Variants in CREB5 observed in about 807,000 individuals in gnomAD.
CREB5 encodes cAMP responsive element binding protein 5, also known as cyclic AMP-responsive element-binding protein 5.
CREB5 carries 19 observed loss-of-function variants against 57.1 expected under a neutral mutation model. That is an observed-to-expected ratio of 0.33 (90% CI 0.23 to 0.49). CREB5 has a LOEUF of 0.49. Ranked by LOEUF, CREB5 falls within the 20% of genes least tolerant of loss-of-function variation. CREB5 has a pLI of 0.99. For missense variants in CREB5, 579 were observed against 671.6 expected (o/e 0.86, Z 1.52); for synonymous variants, 238 against 238.3 (o/e 1.00, Z 0.01).
At chr7:28,616,430 C>T (rs555959681) in intron 5 of CREB5, among the ~76,000 whole-genome samples, 4 of 152,198 alleles carry the variant, frequency 2.6e-5, no homozygotes, top group African/African-American at 4.8e-5. Context: ...CTTCTTCAAG[C>T]GTGTGACCCA....
At chr7:28,610,435 G>A (rs183404414) in intron 5 of CREB5, among the ~76,000 whole-genome samples, 2 of 152,238 alleles carry the variant, frequency 1.3e-5, no homozygotes, top group East Asian at 3.9e-4. Context: ...ATTTTTGTCA[G>A]CCTGGCCTGA....
chr7:28,433,224 T>C (rs1349275330), intron 1 of CREB5, among the ~76,000 whole-genome samples: 1 of 152,214 alleles, frequency 6.6e-6, no homozygotes, highest in African/African-American at 2.4e-5. Context: ...TAAACTGCTT[T>C]CACAACAGCT....
chr7:28,650,653 G>C (rs536640369), intron 5 of CREB5, among the ~76,000 whole-genome samples: 61 of 152,074 alleles, frequency 4.0e-4, no homozygotes, highest in Non-Finnish European at 6.2e-4. Context: ...TCATCATAAG[G>C]TTATTTTGTT....
At chr7:28,806,053 C>T (rs948449781) in intron 8 of CREB5, among the ~76,000 whole-genome samples, 2 of 151,602 alleles carry the variant, frequency 1.3e-5, no homozygotes, top group Non-Finnish European at 2.9e-5. Flanking sequence ...AATTGATTCA[C>T]ATTTGTACTT....
At chr7:28,798,667 C>G (rs1007662080) in intron 7 of CREB5, among the ~76,000 whole-genome samples, 15 of 152,300 alleles carry the variant, frequency 9.8e-5, no homozygotes, top group Admixed American at 9.2e-4. Flanking sequence ...GAAAATGACT[C>G]CTTTTGACTG....
chr7:28,477,615 A>G (rs73684379), intron 1 of CREB5, among the ~76,000 whole-genome samples: 1,581 of 152,196 alleles, frequency 0.01, 30 homozygotes, highest in African/African-American at 0.035. Flanking sequence ...AATGGCTTGG[A>G]CCTTTTGATG....
chr7:28,560,919 T>TGTGCGCGCGCGC (rs1795180096), intron 4 of CREB5, among the ~76,000 whole-genome samples: 1 of 42,990 alleles, frequency 2.3e-5, no homozygotes, highest in Non-Finnish European at 4.5e-5. Flanking sequence ...CGTGTGCGTG[T>TGTGCGCGCGCGC]GTGCGCGTGC....
At chr7:28,691,013 G>C (rs1383216049) in intron 5 of CREB5, among the ~76,000 whole-genome samples, 1 of 152,218 alleles carries the variant, frequency 6.6e-6, no homozygotes. Context: ...GGACATCACA[G>C]TTTGGAAGAA....
intron 5 of CREB5, among the ~76,000 whole-genome samples, chr7:28,627,603 C>T (rs1798050048): frequency 6.6e-6 from 1 of 152,152 alleles, no homozygotes; most frequent in South Asian, 2.1e-4. Context: ...CCAGTTGTAG[C>T]TCCCATGACC....
chr7:28,679,104 C>A (rs747350202), intron 5 of CREB5, among the ~76,000 whole-genome samples: 2 of 136,496 alleles, frequency 1.5e-5, no homozygotes, highest in African/African-American at 5.4e-5. Flanking sequence ...AAACAGCCAG[C>A]GGAGTATATT....
chr7:28,411,157 A>G (rs996668413), upstream of CREB5, among the ~76,000 whole-genome samples: 2 of 152,212 alleles, frequency 1.3e-5, no homozygotes, highest in African/African-American at 4.8e-5. Context: ...TAGAAAAGGC[A>G]AATCAGGAAA....
chr7:28,760,499 G>T (rs1029757241), intron 7 of CREB5, among the ~76,000 whole-genome samples: 1 of 152,146 alleles, frequency 6.6e-6, no homozygotes, highest in Non-Finnish European at 1.5e-5. Flanking sequence ...GCATGTTTGT[G>T]TTCATCTGAT....
intron 1 of CREB5, among the ~76,000 whole-genome samples, chr7:28,378,216 G>T (rs1297951059): frequency 6.6e-6 from 1 of 151,816 alleles, no homozygotes; most frequent in Non-Finnish European, 1.5e-5. Flanking sequence ...AGCTCTCTTA[G>T]GTTTTCAAAG....
intron 5 of CREB5, chr7:28,608,921 T>A (rs1365219407): frequency 5.3e-5 from 8 of 152,232 alleles, no homozygotes; most frequent in Non-Finnish European, 1.0e-4. Flanking sequence ...TTTGCAATTG[T>A]TGGCATAAAT....
At chr7:28,594,979 C>A (rs1796646072) in intron 5 of CREB5, among the ~76,000 whole-genome samples, 1 of 152,140 alleles carries the variant, frequency 6.6e-6, no homozygotes, top group African/African-American at 2.4e-5. Context: ...CTGCTTCAGA[C>A]CCTGAACATC....
chr7:28,825,528 G>A lies in CREB5; in HGVS notation c.*6249G>A, dbSNP rs892040109. On this transcript the variant is annotated 3_prime_UTR_variant, in exon 11 of 11. Coordinates refer to ENST00000357727, the MANE Select transcript of CREB5 (RefSeq NM_182898.4). ...CTGTGTAAAGTAAGTGTTAACTGAG[G>A]AAGTCCCAAAAAGGTGCTGTCACTT... 4 of 152,720 alleles carry A rather than the reference G, an allele frequency of 2.6e-5. No homozygotes were observed. Among genetic ancestry groups the A allele is most frequent in the East Asian group, 1.9e-4 (1 of 5,194 alleles). 9.5% of individuals were successfully genotyped at this position (152,720 alleles called of 1,614,324 possible).
rs76381068 is a variant in CREB5, at chr7:28,743,522, A to C, written c.702+19190A>C. Among the ~76,000 whole-genome samples the C allele has an allele frequency of 1.8e-3, 280 of 152,290 alleles. 1 individual carries two copies. Among genetic ancestry groups the C allele is most frequent in the African/African-American group, 6.0e-3 (249 of 41,570 alleles). ...CACTCTAGCTTGGCATCAGAGTGAG[A>C]CCCTGTTTCAAAAAATAAAAAAGAA... On this transcript the variant is annotated intron_variant, in intron 7 of 10. Coordinates refer to ENST00000357727, the MANE Select transcript of CREB5 (RefSeq NM_182898.4).
At chr7:28,310,263 AG>A (rs879651038) in intron 1 of CREB5, among the ~76,000 whole-genome samples, 1 of 152,236 alleles carries the variant, frequency 6.6e-6, no homozygotes, top group Non-Finnish European at 1.5e-5. Context: ...GAATGAGCAA[AG>A]GAAGTGTTCA....
intron 1 of CREB5, among the ~76,000 whole-genome samples, chr7:28,339,559 T>A (rs1389499041): frequency 6.6e-6 from 1 of 152,152 alleles, no homozygotes; most frequent in Non-Finnish European, 1.5e-5. Context: ...TGGCCCCCAC[T>A]ACTTGGGCTG....
Sources: gnomAD v4.1 joint callset for allele counts (sites outside exome capture counted in the v4.1 genomes callset) on GRCh38, gnomAD v4.1.1 for gene constraint, MANE v1.5 for transcripts, NCBI Gene and HGNC (gene_info 2026-07-23, HGNC 2026-07-21) for gene names.